The following PRKDC variants were observed in gnomAD, a reference collection of about 807,000 sequenced individuals.
PRKDC encodes the protein protein kinase, DNA-activated, catalytic subunit, also known as DNA-dependent protein kinase catalytic subunit.
Under a neutral mutation model 486.9 loss-of-function variants are expected in PRKDC, and 82 were observed. The observed-to-expected ratio is 0.17, with a 90% confidence interval of 0.14 to 0.20. The LOEUF (loss-of-function observed/expected upper bound fraction) is 0.20. PRKDC is among the 10% of genes least tolerant of loss of function. The probability of loss-of-function intolerance (pLI) is 1.00; values close to 1 mark genes in which losing one functional copy is unlikely to be tolerated. For synonymous variants in PRKDC, 1,895 were observed against 1,837.0 expected (o/e 1.03, Z -0.81); for missense variants, 4,504 against 5,038.2 (o/e 0.89, Z 3.21).
chr8:47,819,549 G>A (rs1421843181), intron 66 of PRKDC, 39 bp from the exon 67 acceptor site: 7 of 1,092,164 alleles, frequency 6.4e-6, no homozygotes, highest in Non-Finnish European at 9.0e-6. Context: ...ATTTACAAAT[G>A]CCATGTTATA....
In PRKDC at chr8:47,916,220, G is replaced by A. The variant is rs566929012; in HGVS notation, c.2527-802C>T. Among the ~76,000 whole-genome samples the A allele has an allele frequency of 7.9e-5, 12 of 152,186 alleles. No individual in the cohort carries two copies. In the South Asian group the frequency reaches 2.5e-3, roughly 32 times the overall value. ...CCCAGCATTTTGGGAGGCCAAGGTG[G>A]GCAGATCACGAGGTCAGGAGTTCGA... On this transcript the variant is annotated intron_variant, in intron 22 of 85. Transcript: ENST00000314191.
intron 4 of PRKDC, among the ~76,000 whole-genome samples, chr8:47,954,818 C>A (rs1163684730): frequency 1.3e-5 from 2 of 152,054 alleles, no homozygotes; most frequent in East Asian, 1.9e-4. Flanking sequence ...ACAAAAAAAA[C>A]AGAAACAGGT....
intron 23 of PRKDC, among the ~76,000 whole-genome samples, chr8:47,914,840 C>G (rs1023437909): frequency 3.3e-5 from 5 of 150,744 alleles, no homozygotes; most frequent in African/African-American, 1.2e-4. Context: ...ATAATAGAGA[C>G]AGCTTCTTGC....
At position 47,840,051 on chromosome 8, in the gene PRKDC, C is replaced by T. The variant is rs1293621931; in HGVS notation, c.7419G>A (p.Met2473Ile). Residue 2473 changes from methionine (M) to isoleucine (I), a missense_variant, in exon 55 of 86, where the codon ATG becomes ATA. Around this residue, in one of 6 missense-constraint regions of PRKDC, gnomAD observed 1,592 missense variants for 1,724.6 expected, o/e 0.92. Coordinates refer to ENST00000314191, the MANE Select transcript of PRKDC (RefSeq NM_006904.7). The part of the protein sequence containing the change: ...SHPSTTCREQ[M>I]YNILMWIHDN... ...CATGAATCCACATGAGAATATTATACATTTGTTCCCTACATGTTGTAGAAG... is the reference window on the plus strand; with the variant it reads ...CATGAATCCACATGAGAATATTATATATTTGTTCCCTACATGTTGTAGAAG... 6.4e-7 allele frequency: 1 copy of T among 1,552,614 alleles called. No homozygotes were observed. The highest frequency in any genetic ancestry group is 8.7e-7 in the Non-Finnish European group (1 of 1,146,674).
intron 21 of PRKDC, among the ~76,000 whole-genome samples, chr8:47,925,248 A>C (rs2090138337): frequency 6.6e-6 from 1 of 152,250 alleles, no homozygotes; most frequent in African/African-American, 2.4e-5. Flanking sequence ...AACCACAAAA[A>C]GATGATGCAA....
intron 16 of PRKDC, among the ~76,000 whole-genome samples, chr8:47,932,058 T>A (rs1424842884): frequency 6.7e-6 from 1 of 150,154 alleles, no homozygotes; most frequent in Non-Finnish European, 1.5e-5. Context: ...GCCCGGCTCA[T>A]TTTTTTTGTA....
rs8178231 is a variant in PRKDC, at chr8:47,794,334, G to A, written c.10626C>T (p.Phe3542=). Residue 3542 remains phenylalanine, a synonymous_variant, in exon 74 of 86, where the codon TTC becomes TTT. Transcript: ENST00000314191. ...PFIISSESYS[F]KDTSTGHKNK... is the part of the protein sequence containing the mutation. ...TCTTATGACCAGTAGAAGTATCCTT[G>A]AAGGAATAGCTTTCGCTGCTTATGA... The A allele has an allele frequency of 9.8e-4, 1,576 of 1,613,486 alleles. 11 individuals carry two copies. In the African/African-American group the frequency reaches 0.018, roughly 19 times the overall value.
At chr8:47,849,017 C>A in intron 54 of PRKDC, 137 bp downstream of exon 54, 1 of 1,174,332 alleles carries the variant, frequency 8.5e-7, no homozygotes, top group Non-Finnish European at 1.2e-6. Context: ...GGTGCCTTCA[C>A]CTTTTCTTCA....
intron 36 of PRKDC, among the ~76,000 whole-genome samples, chr8:47,884,349 G>A (rs2089283840): frequency 6.6e-6 from 1 of 152,212 alleles, no homozygotes; most frequent in African/African-American, 2.4e-5. Context: ...CAGCACGTGT[G>A]GACCCCAACT....
Position 47,789,011 on chromosome 8 carries a change from G to C in PRKDC, c.10797C>G (p.Thr3599=). 2 of 1,612,488 alleles carry C rather than the reference G, an allele frequency of 1.2e-6. No homozygotes were observed. Among genetic ancestry groups the C allele is most frequent in the Non-Finnish European group, 1.7e-6 (2 of 1,179,264 alleles). Residue 3599 remains threonine (T), a synonymous_variant, in exon 76 of 86, where the codon ACC becomes ACG. Coordinates refer to ENST00000314191, the MANE Select transcript of PRKDC (RefSeq NM_006904.7). Reference sequence around the variant, plus strand: ...TTTCAATGTTTTTTTTATTTACAGGGGTTTTTGCTAGTTCAGCTCTTACAT... The same window carrying C: ...TTTCAATGTTTTTTTTATTTACAGGCGTTTTTGCTAGTTCAGCTCTTACAT... The part of the protein sequence containing the change: ...SNDVRAELAK[T]PVNKKNIEKM...
chr8:47,907,411 T>TACACACAC (rs746467406), intron 25 of PRKDC, among the ~76,000 whole-genome samples: 2 of 148,938 alleles, frequency 1.3e-5, no homozygotes, highest in African/African-American at 4.9e-5. Flanking sequence ...TATATATATA[T>TACACACAC]ACACACACAC....
At chr8:47,807,755 GC>G (rs2087246954) in intron 68 of PRKDC, among the ~76,000 whole-genome samples, 1 of 151,180 alleles carries the variant, frequency 6.6e-6, no homozygotes, top group African/African-American at 2.4e-5. Context: ...TCATTCTGTC[GC>G]CCAGGATGGA....
At position 47,778,619 on chromosome 8, in the gene PRKDC, A is replaced by C. The variant is rs548317532; in HGVS notation, c.11693T>G (p.Leu3898Arg). 6.2e-7 allele frequency: 1 copy of C among 1,613,756 alleles called. No homozygotes were observed. The highest frequency in any genetic ancestry group is 1.7e-5 in the Admixed American group (1 of 59,962). ...GCTGGCGAAGTGGGAGCGGAGCGCC[A>C]GGAAAGCCTCAGGGCTTGTACTCAT... ...VRMSTSPEAF[L>R]ALRSHFASSH... Residue 3898 changes from leucine to arginine, a missense_variant, in exon 83 of 86, where the codon CTG (leucine) becomes CGG (arginine). Leu to Arg is a moderately radical substitution (Grantham distance 102). Transcript: ENST00000314191.
intron 10 of PRKDC, 47 bp from the exon 11 acceptor site, chr8:47,939,744 G>A (rs1355675006): frequency 7.0e-7 from 1 of 1,419,532 alleles, no homozygotes; most frequent in Non-Finnish European, 9.5e-7. Flanking sequence ...TAATAGCAAT[G>A]GAATCTATAC....
At chr8:47,837,504 G>GCTGTGCCTTCTC in intron 56 of PRKDC, 85 bp from the exon 57 acceptor site, 2 of 1,049,582 alleles carry the variant, frequency 1.9e-6, no homozygotes, top group Non-Finnish European at 2.8e-6. Context: ...TGTGGAGAAG[G>GCTGTGCCTTCTC]CACAGCTCTT....
intron 76 of PRKDC, among the ~76,000 whole-genome samples, chr8:47,787,322 A>T (rs1313514083): frequency 1.3e-5 from 2 of 152,360 alleles, no homozygotes; most frequent in African/African-American, 4.8e-5. Context: ...GACATATATA[A>T]AACAGATTTC....
In PRKDC at chr8:47,877,791, G is replaced by A. The variant is rs767425926; in HGVS notation, c.5296C>T (p.Leu1766Phe). ...ATGACATGCTGCTGTTCCCGACAAA[G>A]AACTTCTGTCATCAATTCCAACAAC... ...PMLLELMTEV[L>F]CREQQHVMEE... The change falls in exon 40 of 86, where the codon CTT becomes TTT. Residue 1766 changes from leucine to phenylalanine, a missense_variant. Transcript: ENST00000314191. The A allele has an allele frequency of 1.9e-6, 3 of 1,598,452 alleles. No homozygotes were observed. The South Asian group carries it at 3.4e-5, about 18-fold the overall frequency.
intron 27 of PRKDC, 80 bp from the exon 28 acceptor site, chr8:47,900,547 A>G: frequency 1.5e-6 from 2 of 1,293,834 alleles, no homozygotes; most frequent in Non-Finnish European, 2.2e-6. Context: ...ATGGAATTAA[A>G]GAAGGCACAC....
chr8:47,913,702 A>G (rs1425743463), intron 24 of PRKDC, among the ~76,000 whole-genome samples, 199 bp downstream of exon 24: 1 of 152,080 alleles, frequency 6.6e-6, no homozygotes, highest in Non-Finnish European at 1.5e-5. Context: ...CCAATTACCT[A>G]TTAAGATGAT....
Sources: gnomAD v4.1 joint callset for allele counts (sites outside exome capture counted in the v4.1 genomes callset) on GRCh38, gnomAD v4.1.1 for gene constraint, gnomAD v4.1.1 regional missense constraint, MANE v1.5 for transcripts, NCBI Gene and HGNC (gene_info 2026-07-23, HGNC 2026-07-21) for gene names.